The following MED16 variants were observed in gnomAD, a reference collection of about 807,000 sequenced individuals.
MED16 encodes the protein mediator complex subunit 16.
A neutral mutation model predicts 84.4 loss-of-function variants in MED16; 81 were observed. The ratio of observed to expected loss-of-function variants is 0.96; its 90% CI spans 0.80 to 1.15. The LOEUF (loss-of-function observed/expected upper bound fraction) is 1.15, where lower values mean the gene tolerates loss of function less well. MED16 is among the 50% of genes most tolerant of loss of function. The pLI is 0.00. For missense variants in MED16, 1,585 were observed against 1,245.9 expected (o/e 1.27, Z -4.10); for synonymous variants, 897 against 552.2 (o/e 1.62, Z -8.76).
rs561020858 is a variant in MED16, at chr19:868,975, G to A, written c.2316-29C>T. 5.3e-6 allele frequency: 8 copies of A among 1,517,066 alleles called. No homozygotes were observed. In the African/African-American group the frequency reaches 9.7e-5, roughly 18 times the overall value. The allele number at this position is 1,517,066 out of a possible 1,614,324, so 94.0% of individuals were successfully genotyped here. ...GCGGGAGAGGGGAGAACGTGAGGGA[G>A]GCCTGGGCACCACGAGGCCAGGTTC... On this transcript the variant is annotated intron_variant, in intron 13 of 15. Transcript: ENST00000325464.
At chr19:879,601 G>A (rs1352745725) in intron 8 of MED16, among the ~76,000 whole-genome samples, 1 of 122,912 alleles carries the variant, frequency 8.1e-6, no homozygotes, top group Non-Finnish European at 1.6e-5. Flanking sequence ...ACCTTCCCGT[G>A]GTTGTCAATG....
At chr19:872,227 T>G in intron 11 of MED16, 109 bp from the exon 12 acceptor site, 1 of 896,316 alleles carries the variant, frequency 1.1e-6, no homozygotes, top group Admixed American at 2.7e-5. Context: ...GGGCAGGGTC[T>G]GGGACATTTG....
intron 4 of MED16, among the ~76,000 whole-genome samples, chr19:888,848 T>TC (rs1207262112): frequency 6.6e-6 from 1 of 152,062 alleles, no homozygotes; most frequent in Admixed American, 6.6e-5. Flanking sequence ...GTCCACTGCA[T>TC]CCCTCCAGGA....
At chr19:888,118 C>T (rs1165454959) in intron 4 of MED16, among the ~76,000 whole-genome samples, 7 of 151,950 alleles carry the variant, frequency 4.6e-5, no homozygotes, top group African/African-American at 1.5e-4. Context: ...GCAGTAGAAT[C>T]GCTTGAGCCC....
intron 3 of MED16, 103 bp from the exon 4 acceptor site, chr19:889,910 T>G (rs2036599312): frequency 7.2e-7 from 1 of 1,385,320 alleles, no homozygotes; most frequent in Non-Finnish European, 9.7e-7. Context: ...TGGAGAGGTC[T>G]CGGCCCAGGT....
rs11879886 is a variant in MED16, at chr19:889,821, G to A, written c.278-14C>T. On this transcript the variant is annotated splice_polypyrimidine_tract_variant and intron_variant, in intron 3 of 15. Coordinates refer to ENST00000325464, the MANE Select transcript of MED16 (RefSeq NM_005481.3). The stretch of plus-strand genomic sequence containing the variant: ...GGAGCCGGGAGCCTGAGGGCAAGAA[G>A]CCATCATTGCGAACCTTCCAGGGAT... 3.5e-3 allele frequency: 5,586 copies of A among 1,603,064 alleles called. 155 individuals carry two copies. In the African/African-American group the frequency reaches 0.065, roughly 19 times the overall value.
intron 3 of MED16, 133 bp from the exon 4 acceptor site, chr19:889,940 A>C: frequency 9.2e-7 from 1 of 1,090,616 alleles, no homozygotes; most frequent in Non-Finnish European, 1.3e-6. Flanking sequence ...CAGGTGGCAC[A>C]AGGCGCACTC....
chr19:867,963 TG>T lies in MED16; in HGVS notation c.*137del. On this transcript the variant is annotated 3_prime_UTR_variant, in exon 16 of 16. Transcript: ENST00000325464. Reference sequence around the variant, plus strand: ...GGCACCGACGGCAGGGACGCGGGCCTGGGCGCAGAGGGCGTTTATTGGACCT... The same window carrying T: ...GGCACCGACGGCAGGGACGCGGGCCTGGCGCAGAGGGCGTTTATTGGACCT... 8.3e-7 allele frequency: 1 copy of T among 1,200,892 alleles called. No individual in the cohort carries two copies. The highest frequency in any genetic ancestry group is 1.1e-6 in the Non-Finnish European group (1 of 884,312). The allele number at this position is 1,200,892 out of a possible 1,614,324, so 74.4% of individuals were successfully genotyped here.
rs2036091339 is a variant in MED16, at chr19:872,178, A to G, written c.1906-60T>C. 1.5e-5 allele frequency: 22 copies of G among 1,484,682 alleles called. 1 individual carries two copies. The South Asian group carries it at 2.6e-4, about 17-fold the overall frequency. 92.0% of individuals were successfully genotyped at this position (1,484,682 alleles called of 1,614,324 possible). A position where few individuals can be genotyped will look rare whatever the true frequency, so the allele number is the denominator to read the frequency against. ...CGGGGGGCAGATGGCGATGGGATGA[A>G]GTGTCTTGGGGTCGGTGGAACCCCG... is the stretch of plus-strand genomic sequence containing the variant. On this transcript the variant is annotated intron_variant, in intron 11 of 15. Transcript: ENST00000325464.
intron 13 of MED16, among the ~76,000 whole-genome samples, chr19:870,184 G>A (rs2036012319): frequency 1.3e-5 from 2 of 152,194 alleles, no homozygotes; most frequent in Non-Finnish European, 2.9e-5. Context: ...CTACGGCGAG[G>A]CCTGACATCC....
intron 1 of MED16, chr19:892,881 A>AGCCCCGCGCCCAGCGCCCCGCGCCCCGC (rs1555719505): frequency 7.3e-6 from 1 of 137,866 alleles, no homozygotes; most frequent in African/African-American, 2.8e-5. Context: ...CTGAGCCCCG[A>AGCCCCGCGCCCAGCGCCCCGCGCCCCGC]GCCCCGCGCC....
chr19:868,525 G>T (rs2145182696), intron 14 of MED16, 26 bp from the exon 15 acceptor site: 1 of 1,605,712 alleles, frequency 6.2e-7, no homozygotes, highest in Non-Finnish European at 8.5e-7. Context: ...CACTGAGCGG[G>T]TTCCCACTTC....
intron 2 of MED16, 79 bp from the exon 3 acceptor site, chr19:890,323 G>A: frequency 9.9e-7 from 1 of 1,005,872 alleles, no homozygotes; most frequent in Non-Finnish European, 1.4e-6. Flanking sequence ...CAGGCTCCAG[G>A]TAAGCCGGTG....
intron 11 of MED16, chr19:872,819 C>A (rs531330512): frequency 1.9e-4 from 64 of 342,572 alleles, no homozygotes; most frequent in Admixed American, 2.4e-4. Flanking sequence ...GCGAACCGGC[C>A]TTCGTGTAGG....
At position 868,884 on chromosome 19, in the gene MED16, T is replaced by A; in HGVS notation, c.2378A>T (p.Glu793Val). 1 of 1,551,206 alleles carries A rather than the reference T, an allele frequency of 6.4e-7. No homozygotes were observed. Among genetic ancestry groups the A allele is most frequent in the Non-Finnish European group, 8.7e-7 (1 of 1,150,956 alleles). Residue 793 changes from glutamate to valine, a missense_variant, in exon 14 of 16, where the codon GAG (glutamate) becomes GTG (valine). Physicochemically the swap from Glu to Val is moderately radical, Grantham distance 121 (BLOSUM62 -2). Coordinates refer to ENST00000325464, the MANE Select transcript of MED16 (RefSeq NM_005481.3). ...TCACCTGGTGCAGGCCTTGCATTCC[T>A]CCGTGGGGCAAGCGCCAAGGTGCAG... ...RRLHLGACPT[E>V]ECKACTRCGC...
At chr19:887,782 G>A (rs1489069784) in intron 4 of MED16, among the ~76,000 whole-genome samples, 1 of 152,164 alleles carries the variant, frequency 6.6e-6, no homozygotes, top group Non-Finnish European at 1.5e-5. Flanking sequence ...GCTACGCAGT[G>A]TGTGATCCTG....
chr19:876,384 C>A lies in MED16; in HGVS notation c.1560+590G>T, dbSNP rs932151330. ...GGTCTCTGTGTGTTCATCTTCTGAC[C>A]GTGTTTGCTGAGGCCTCACACCACA... On this transcript the variant is annotated intron_variant, in intron 9 of 15. Coordinates refer to ENST00000325464, the MANE Select transcript of MED16 (RefSeq NM_005481.3). Among the ~76,000 whole-genome samples the A allele has an allele frequency of 2.6e-5, 4 of 152,214 alleles. No homozygotes were observed. The East Asian group carries it at 7.7e-4, about 29-fold the overall frequency.
chr19:876,999 G>T lies in MED16; in HGVS notation c.1535C>A (p.Thr512Lys). 1.2e-6 allele frequency: 2 copies of T among 1,612,136 alleles called. No individual in the cohort carries two copies. Among genetic ancestry groups the T allele is most frequent in the Non-Finnish European group, 1.7e-6 (2 of 1,179,758 alleles). ...CTGCTGCAGGGCAGCGGTCTGGCGC[G>T]TGTACTCCTCGTGCAGCTTCTCCAC... ...SLVEKLHEEYTRQTAALQQVL... is the reference protein window; with the variant it reads ...SLVEKLHEEYKRQTAALQQVL... The change falls in exon 9 of 16, where the codon ACG (threonine) becomes AAG (lysine). Residue 512 changes from threonine to lysine, a missense_variant. By Grantham distance (78) the Thr-to-Lys change is moderately conservative. Coordinates refer to ENST00000325464, the MANE Select transcript of MED16 (RefSeq NM_005481.3).
At chr19:881,860 A>G (rs1484134975) in intron 6 of MED16, 146 bp from the exon 7 acceptor site, 2 of 983,696 alleles carry the variant, frequency 2.0e-6, no homozygotes, top group Non-Finnish European at 2.9e-6. Flanking sequence ...CCAGAAGACC[A>G]GGCCCGGCCA....
Sources: gnomAD v4.1 joint callset for allele counts (sites outside exome capture counted in the v4.1 genomes callset) on GRCh38, gnomAD v4.1.1 for gene constraint, MANE v1.5 for transcripts, NCBI Gene and HGNC (gene_info 2026-07-23, HGNC 2026-07-21) for gene names.